The following SGIP1 variants were observed in gnomAD, a reference collection of about 807,000 sequenced individuals.
SGIP1 encodes SH3GL interacting endocytic adaptor 1.
Under a neutral mutation model 107.5 loss-of-function variants are expected in SGIP1, and 38 were observed. That is an observed-to-expected ratio of 0.35 (90% CI 0.27 to 0.46). The LOEUF (loss-of-function observed/expected upper bound fraction) is 0.46. SGIP1 is among the 20% of genes least tolerant of loss of function. The probability of loss-of-function intolerance (pLI) is 1.00; values close to 1 mark genes in which losing one functional copy is unlikely to be tolerated. For synonymous variants in SGIP1, 365 were observed against 366.1 expected, an observed-to-expected ratio of 1.00 and a Z score of 0.03; for missense variants, 929 against 1,019.5, an observed-to-expected ratio of 0.91 and a Z score of 1.21.
intron 1 of SGIP1, among the ~76,000 whole-genome samples, chr1:66,541,569 G>A (rs1266248543): frequency 1.3e-5 from 2 of 152,124 alleles, no homozygotes; most frequent in African/African-American, 2.4e-5. Context: ...GTCATTCCAG[G>A]ATCAAAATTA....
chr1:66,702,943 G>T (rs2092110590), intron 18 of SGIP1, among the ~76,000 whole-genome samples: 1 of 152,180 alleles, frequency 6.6e-6, no homozygotes, highest in South Asian at 2.1e-4. Flanking sequence ...TCTGACTGGA[G>T]TAACCAAATG....
intron 7 of SGIP1, among the ~76,000 whole-genome samples, chr1:66,647,733 A>T (rs2077900703): frequency 6.6e-6 from 1 of 152,180 alleles, no homozygotes; most frequent in South Asian, 2.1e-4. Context: ...AGCTAACAAC[A>T]GGTTGAACAG....
intron 2 of SGIP1, among the ~76,000 whole-genome samples, chr1:66,627,160 A>G (rs1055605743): frequency 6.6e-6 from 1 of 152,156 alleles, no homozygotes; most frequent in African/African-American, 2.4e-5. Context: ...ACAAATTAGT[A>G]TGTGTAAGTT....
intron 1 of SGIP1, among the ~76,000 whole-genome samples, chr1:66,544,303 T>C (rs1441826744): frequency 6.6e-6 from 1 of 152,194 alleles, no homozygotes; most frequent in African/African-American, 2.4e-5. Flanking sequence ...AGGAAATTCC[T>C]GTGAATTGAT....
chr1:66,637,835 A>G (rs2076085532), intron 4 of SGIP1, among the ~76,000 whole-genome samples: 2 of 150,042 alleles, frequency 1.3e-5, no homozygotes, highest in South Asian at 4.3e-4. Flanking sequence ...GTGTACATAT[A>G]CATACACACA....
intron 1 of SGIP1, among the ~76,000 whole-genome samples, chr1:66,544,679 ACT>A (rs996027403): frequency 1.3e-5 from 2 of 152,012 alleles, no homozygotes; most frequent in Non-Finnish European, 2.9e-5. Context: ...ACAGAGGGAG[ACT>A]CTGTCTCAAA....
chr1:66,657,800 C>T (rs1035890236), intron 7 of SGIP1, among the ~76,000 whole-genome samples: 1 of 152,176 alleles, frequency 6.6e-6, no homozygotes, highest in Non-Finnish European at 1.5e-5. Flanking sequence ...TTCACTTACT[C>T]TATTTCTATT....
chr1:66,708,817 A>C (rs1374294186), intron 18 of SGIP1, among the ~76,000 whole-genome samples: 4 of 152,200 alleles, frequency 2.6e-5, no homozygotes, highest in Non-Finnish European at 5.9e-5. Context: ...ATATATAACC[A>C]GGGCAAGTGA....
intron 1 of SGIP1, among the ~76,000 whole-genome samples, chr1:66,554,254 G>A (rs2057858380): frequency 6.6e-6 from 1 of 152,136 alleles, no homozygotes; most frequent in Non-Finnish European, 1.5e-5. Flanking sequence ...TAGACAGGAA[G>A]GAACACAACA....
chr1:66,586,262 A>G (rs1183860779), intron 1 of SGIP1, among the ~76,000 whole-genome samples: 1 of 152,182 alleles, frequency 6.6e-6, no homozygotes, highest in African/African-American at 2.4e-5. Flanking sequence ...CACATTATAT[A>G]GATGGGTCAT....
rs202098072 is a variant in SGIP1 at position 66,643,746 on chromosome 1, G to A, written c.459+27G>A. ...TGAGTGTTGTGTGTGTGTGTGTTAAGCTTTAGTGAGATTGAACAGGGCTAT... is the reference window on the plus strand; with the variant it reads ...TGAGTGTTGTGTGTGTGTGTGTTAAACTTTAGTGAGATTGAACAGGGCTAT... On this transcript the variant is annotated intron_variant, in intron 7 of 24. Transcript: ENST00000371037. 6 of 1,560,006 alleles carry A rather than the reference G, an allele frequency of 3.8e-6. No individual in the cohort carries two copies. The South Asian group carries it at 7.4e-5, about 19-fold the overall frequency.
chr1:66,663,713 C>T (rs1436797018), intron 8 of SGIP1, among the ~76,000 whole-genome samples: 1 of 152,038 alleles, frequency 6.6e-6, no homozygotes, highest in Non-Finnish European at 1.5e-5. Flanking sequence ...CTGCTGAAGG[C>T]ATTTTGCAAA....
intron 1 of SGIP1, among the ~76,000 whole-genome samples, chr1:66,603,098 G>T (rs1016503723): frequency 4.6e-5 from 7 of 152,148 alleles, no homozygotes; most frequent in African/African-American, 1.4e-4. Flanking sequence ...AAATGAATCA[G>T]TCCTAAAATA....
intron 18 of SGIP1, among the ~76,000 whole-genome samples, chr1:66,706,378 T>G (rs2092510436): frequency 6.8e-6 from 1 of 146,534 alleles, no homozygotes; most frequent in South Asian, 2.1e-4. Context: ...AATATATTTA[T>G]ATATTTATAA....
intron 8 of SGIP1, among the ~76,000 whole-genome samples, chr1:66,662,213 T>C (rs1029334739): frequency 6.6e-6 from 1 of 152,212 alleles, no homozygotes; most frequent in Non-Finnish European, 1.5e-5. Context: ...TTCTAATCCT[T>C]TCCTAGAAAA....
chr1:66,617,526 C>G (rs373896753), intron 1 of SGIP1, among the ~76,000 whole-genome samples: 1 of 152,212 alleles, frequency 6.6e-6, no homozygotes, highest in Admixed American at 6.5e-5. Context: ...GAGTTGCTGT[C>G]AATATGCGGC....
chr1:66,549,281 A>G (rs573742621), intron 1 of SGIP1, among the ~76,000 whole-genome samples: 1 of 151,764 alleles, frequency 6.6e-6, no homozygotes, highest in Non-Finnish European at 1.5e-5. Flanking sequence ...CAAGCTTGTC[A>G]GCAACTATTT....
At chr1:66,540,705 C>T (rs181632609) in intron 1 of SGIP1, among the ~76,000 whole-genome samples, 1 of 152,244 alleles carries the variant, frequency 6.6e-6, no homozygotes, top group East Asian at 1.9e-4. Context: ...ATCTTAGGAG[C>T]TCAATGTGTT....
At chr1:66,538,089 A>G (rs1363831415) in intron 1 of SGIP1, among the ~76,000 whole-genome samples, 2 of 152,172 alleles carry the variant, frequency 1.3e-5, no homozygotes, top group Admixed American at 6.5e-5. Context: ...AAAATTTTGC[A>G]TAATTGAAGA....
Sources: allele counts gnomAD v4.1 joint callset (sites outside exome capture counted in the v4.1 genomes callset), GRCh38; gene constraint gnomAD v4.1.1; transcripts MANE v1.5; gene names NCBI Gene and HGNC (gene_info 2026-07-23, HGNC 2026-07-21).